PTPRD: variants seen among roughly 807,000 people sequenced by gnomAD.
The protein encoded by PTPRD is protein tyrosine phosphatase receptor type D.
In PTPRD, 34 loss-of-function variants were observed where a neutral mutation model predicts 214.5. The ratio of observed to expected loss-of-function variants is 0.16; its 90% CI spans 0.12 to 0.21. PTPRD has a LOEUF of 0.21. PTPRD is among the 10% of genes least tolerant of loss of function. The pLI is 1.00. For missense variants in PTPRD, 2,545 were observed against 2,398.7 expected (o/e 1.06, Z -1.27); for synonymous variants, 1,128 against 845.7 (o/e 1.33, Z -5.79).
At chr9:8,596,415 T>C (rs2094479389) in intron 14 of PTPRD, among the ~76,000 whole-genome samples, 1 of 152,070 alleles carries the variant, frequency 6.6e-6, no homozygotes, top group Non-Finnish European at 1.5e-5. Context: ...CTTAATATAC[T>C]ACATTATTTA....
Position 9,307,687 on chromosome 9 carries a change from C to T in PTPRD, c.-203+89762G>A, listed in dbSNP as rs189563444. 6.6e-5 allele frequency among the ~76,000 whole-genome samples: 10 copies of T among 152,270 alleles called. No individual in the cohort carries two copies. In the East Asian group the frequency reaches 9.6e-4, roughly 15 times the overall value. On this transcript the variant is annotated intron_variant, in intron 9 of 45. Coordinates refer to ENST00000381196, the MANE Select transcript of PTPRD (RefSeq NM_002839.4). Reference sequence around the variant, plus strand: ...AAGTGATCATTCTGAATTACAAATCCGGTCAAGTTAAACCTTGCTGAAAAT... The same window carrying T: ...AAGTGATCATTCTGAATTACAAATCTGGTCAAGTTAAACCTTGCTGAAAAT...
At chr9:8,435,314 G>T (rs2095297975) in intron 35 of PTPRD, among the ~76,000 whole-genome samples, 2 of 152,140 alleles carry the variant, frequency 1.3e-5, no homozygotes, top group African/African-American at 2.4e-5. Context: ...ACTTGAGGTT[G>T]GGGGTCCTCT....
At chr9:9,501,789 T>C (rs921453990) in intron 8 of PTPRD, among the ~76,000 whole-genome samples, 1 of 151,664 alleles carries the variant, frequency 6.6e-6, no homozygotes, top group Non-Finnish European at 1.5e-5. Context: ...AGAAATGAAA[T>C]GGCAAAATTT....
intron 14 of PTPRD, among the ~76,000 whole-genome samples, chr9:8,530,751 G>C (rs954840563): frequency 1.3e-5 from 2 of 152,126 alleles, no homozygotes; most frequent in Non-Finnish European, 2.9e-5. Flanking sequence ...GGACCAGAGA[G>C]ATTCTGAATG....
intron 3 of PTPRD, among the ~76,000 whole-genome samples, chr9:10,079,571 T>A (rs1024663101): frequency 6.6e-6 from 1 of 152,124 alleles, no homozygotes; most frequent in Admixed American, 6.6e-5. Context: ...GATAGAGATT[T>A]GGATTTTAAT....
At chr9:9,826,623 A>G (rs1358396272) in intron 5 of PTPRD, among the ~76,000 whole-genome samples, 1 of 152,056 alleles carries the variant, frequency 6.6e-6, no homozygotes, top group Non-Finnish European at 1.5e-5. Flanking sequence ...TACTCATAGT[A>G]TACTTAGTGT....
intron 11 of PTPRD, among the ~76,000 whole-genome samples, chr9:8,774,547 T>TTTTTTTC (rs1565955002): frequency 1.4e-5 from 2 of 143,544 alleles, no homozygotes; most frequent in Non-Finnish European, 3.0e-5. Context: ...TTTTTTTTTT[T>TTTTTTTC]TTTTGAAACG....
chr9:9,453,064 A>G (rs2092477701), intron 8 of PTPRD, among the ~76,000 whole-genome samples: 1 of 150,114 alleles, frequency 6.7e-6, no homozygotes, highest in Non-Finnish European at 1.5e-5. Context: ...TTTAATATCC[A>G]TAAGATGTGA....
intron 12 of PTPRD, among the ~76,000 whole-genome samples, chr9:8,684,515 A>T (rs1302346110): frequency 6.6e-6 from 1 of 152,180 alleles, no homozygotes; most frequent in African/African-American, 2.4e-5. Flanking sequence ...AGAGGAAATC[A>T]TGTGACTAAG....
intron 22 of PTPRD, among the ~76,000 whole-genome samples, chr9:8,505,095 A>G (rs2097513956): frequency 6.6e-6 from 1 of 152,198 alleles, no homozygotes; most frequent in Non-Finnish European, 1.5e-5. Flanking sequence ...AAATAGATTC[A>G]CAAATGTTTG....
chr9:9,942,708 AATT>A (rs1169816288), intron 4 of PTPRD, among the ~76,000 whole-genome samples: 2 of 152,132 alleles, frequency 1.3e-5, no homozygotes, highest in Non-Finnish European at 2.9e-5. Flanking sequence ...GCATTTAAAA[AATT>A]ATAAGGTAGT....
At chr9:10,518,440 G>C (rs181766948) in intron 2 of PTPRD, among the ~76,000 whole-genome samples, 1 of 152,038 alleles carries the variant, frequency 6.6e-6, no homozygotes. Context: ...AATTGAGTGT[G>C]AAATAAAGAT....
intron 11 of PTPRD, among the ~76,000 whole-genome samples, chr9:8,929,917 G>GTA (rs200428874): frequency 0.29 from 22,831 of 79,270 alleles, 6,862 homozygotes; most frequent in Non-Finnish European, 0.37. Context: ...ATATGTGTGT[G>GTA]TATATATATA....
intron 5 of PTPRD, among the ~76,000 whole-genome samples, chr9:9,901,385 T>C (rs866875170): frequency 7.9e-5 from 12 of 152,238 alleles, no homozygotes; most frequent in African/African-American, 2.6e-4. Flanking sequence ...TAAGTTGTCA[T>C]AACTATGGAT....
chr9:9,618,863 G>C (rs1243249562), intron 7 of PTPRD, among the ~76,000 whole-genome samples: 2 of 151,964 alleles, frequency 1.3e-5, no homozygotes, highest in African/African-American at 2.4e-5. Context: ...AGGAGGTTAG[G>C]GAAGGCCCTG....
chr9:8,489,172 G>C (rs1591812470), intron 27 of PTPRD, among the ~76,000 whole-genome samples: 1 of 152,156 alleles, frequency 6.6e-6, no homozygotes, highest in Non-Finnish European at 1.5e-5. Flanking sequence ...GGCTGGCAAA[G>C]TCTAGGAAAA....
At chr9:9,537,541 T>C (rs2076767516) in intron 8 of PTPRD, among the ~76,000 whole-genome samples, 1 of 152,012 alleles carries the variant, frequency 6.6e-6, no homozygotes, top group Admixed American at 6.6e-5. Flanking sequence ...AAATTTCAAA[T>C]ACAAATCTAT....
intron 10 of PTPRD, among the ~76,000 whole-genome samples, chr9:9,149,878 A>G (rs1391242395): frequency 6.6e-6 from 1 of 152,176 alleles, no homozygotes; most frequent in Non-Finnish European, 1.5e-5. Flanking sequence ...CTTAGTCTGC[A>G]TGTATGAGAT....
rs1196280775 is a variant in PTPRD, at chr9:8,517,956, T to G, written c.1435A>C (p.Ile479Leu). 1.2e-6 allele frequency: 2 copies of G among 1,614,072 alleles called. No individual in the cohort carries two copies. Among genetic ancestry groups the G allele is most frequent in the African/African-American group, 1.3e-5 (1 of 74,932 alleles). Residue 479 changes from isoleucine to leucine, a missense_variant, in exon 21 of 46, where the codon ATT becomes CTT. Coordinates refer to ENST00000381196, the MANE Select transcript of PTPRD (RefSeq NM_002839.4). ...HNVADSQITT[I>L]GNLVPQKTYS... Reference sequence around the variant, plus strand: ...GTTTTCTGGGGCACTAAGTTGCCAATAGTAGTGATTTGGCTGTCAGCTACA... The same window carrying G: ...GTTTTCTGGGGCACTAAGTTGCCAAGAGTAGTGATTTGGCTGTCAGCTACA...
Sources: gnomAD v4.1 joint callset for allele counts (sites outside exome capture counted in the v4.1 genomes callset) on GRCh38, gnomAD v4.1.1 for gene constraint, MANE v1.5 for transcripts, NCBI Gene and HGNC (gene_info 2026-07-23, HGNC 2026-07-21) for gene names.